KCNJ3: variants seen among roughly 807,000 people sequenced by gnomAD.
KCNJ3 encodes the protein potassium inwardly rectifying channel subfamily J member 3.
In KCNJ3, 4 loss-of-function variants were observed where a neutral mutation model predicts 39.2. The ratio of observed to expected loss-of-function variants is 0.10; its 90% CI spans 0.05 to 0.23. The LOEUF is 0.23. KCNJ3 is among the 10% of genes least tolerant of loss of function. KCNJ3 has a pLI of 1.00. For synonymous variants in KCNJ3, 230 were observed against 237.4 expected (o/e 0.97, Z 0.29); for missense variants, 276 against 634.9 (o/e 0.43, Z 6.08).
intron 2 of KCNJ3, among the ~76,000 whole-genome samples, chr2:154,821,718 C>T (rs562567506): frequency 2.3e-4 from 34 of 145,428 alleles, no homozygotes; most frequent in African/African-American, 8.1e-4. Flanking sequence ...CTCCGCTCAC[C>T]GCAACTTTGC....
At position 154,836,956 on chromosome 2, in the gene KCNJ3, A is replaced by T. The variant is rs545737960; in HGVS notation, c.920-17771A>T. 1.8e-4 allele frequency among the ~76,000 whole-genome samples: 28 copies of T among 152,354 alleles called. 1 individual carries two copies. Among genetic ancestry groups the T allele is most frequent in the Admixed American group, 1.8e-3 (28 of 15,298 alleles). Reference sequence around the variant, plus strand: ...AAGAGTAAGACTCATGAGTTGGGGTAAAACAATTTTAAAATTGTCAGGTAA... The same window carrying T: ...AAGAGTAAGACTCATGAGTTGGGGTTAAACAATTTTAAAATTGTCAGGTAA... On this transcript the variant is annotated intron_variant, in intron 2 of 2. Coordinates refer to ENST00000295101, the MANE Select transcript of KCNJ3 (RefSeq NM_002239.4).
chr2:154,838,201 A>AGTT (rs1687502582), intron 2 of KCNJ3, among the ~76,000 whole-genome samples: 1 of 152,208 alleles, frequency 6.6e-6, no homozygotes, highest in Admixed American at 6.5e-5. Flanking sequence ...GAATGTGAGG[A>AGTT]GTTATGTCAA....
At chr2:154,834,827 C>A (rs1001998113) in intron 2 of KCNJ3, among the ~76,000 whole-genome samples, 1 of 151,798 alleles carries the variant, frequency 6.6e-6, no homozygotes, top group African/African-American at 2.4e-5. Flanking sequence ...TTAAATGATG[C>A]CATTTTTATG....
At chr2:154,702,924 G>A (rs1179248511) in intron 1 of KCNJ3, among the ~76,000 whole-genome samples, 2 of 151,774 alleles carry the variant, frequency 1.3e-5, no homozygotes, top group Non-Finnish European at 2.9e-5. Flanking sequence ...CTAGTATCAT[G>A]GCTATGCTAA....
At chr2:154,827,764 T>C (rs1687294652) in intron 2 of KCNJ3, among the ~76,000 whole-genome samples, 1 of 152,218 alleles carries the variant, frequency 6.6e-6, no homozygotes, top group South Asian at 2.1e-4. Context: ...TTTACTATGT[T>C]AGCCATATTC....
At chr2:154,788,920 A>T (rs1465829121) in intron 2 of KCNJ3, among the ~76,000 whole-genome samples, 1 of 152,094 alleles carries the variant, frequency 6.6e-6, no homozygotes, top group Non-Finnish European at 1.5e-5. Context: ...CCTCAGTGTG[A>T]CTATGGCAGT....
intron 2 of KCNJ3, among the ~76,000 whole-genome samples, chr2:154,834,750 A>AAAAAT (rs141708065): frequency 0.2 from 31,022 of 151,572 alleles, 3,422 homozygotes; most frequent in East Asian, 0.4. Flanking sequence ...AAATAAAATA[A>AAAAAT]AAAATAGAAT....
intron 2 of KCNJ3, among the ~76,000 whole-genome samples, chr2:154,847,205 G>C (rs1687676855): frequency 2.0e-5 from 3 of 152,036 alleles, no homozygotes. Context: ...GAACTGTAAT[G>C]TATGCAGTGT....
At chr2:154,757,450 G>T (rs373707124) in intron 2 of KCNJ3, among the ~76,000 whole-genome samples, 1 of 151,944 alleles carries the variant, frequency 6.6e-6, no homozygotes, top group Admixed American at 6.6e-5. Context: ...AATTAATTCT[G>T]TGCCCTTTTC....
At chr2:154,806,049 G>T (rs1686906274) in intron 2 of KCNJ3, among the ~76,000 whole-genome samples, 1 of 152,110 alleles carries the variant, frequency 6.6e-6, no homozygotes, top group South Asian at 2.1e-4. Context: ...TATTCCATTT[G>T]TTTTTTGAAA....
At chr2:154,787,411 A>G (rs1353596846) in intron 2 of KCNJ3, among the ~76,000 whole-genome samples, 2 of 152,066 alleles carry the variant, frequency 1.3e-5, no homozygotes, top group Non-Finnish European at 2.9e-5. Flanking sequence ...GCTCTCAGTC[A>G]GGGATTGACT....
intron 2 of KCNJ3, among the ~76,000 whole-genome samples, chr2:154,817,505 G>T (rs959659452): frequency 6.6e-6 from 1 of 152,112 alleles, no homozygotes; most frequent in Non-Finnish European, 1.5e-5. Context: ...TGAAATTAAA[G>T]TCTCTCTAAT....
At chr2:154,815,691 T>A (rs1687073158) in intron 2 of KCNJ3, among the ~76,000 whole-genome samples, 1 of 152,254 alleles carries the variant, frequency 6.6e-6, no homozygotes, top group East Asian at 1.9e-4. Context: ...TGTTAATCTA[T>A]GAGGCCTGCA....
intron 2 of KCNJ3, among the ~76,000 whole-genome samples, chr2:154,736,834 G>T (rs1304053730): frequency 6.6e-6 from 1 of 151,460 alleles, no homozygotes; most frequent in Non-Finnish European, 1.5e-5. Context: ...AACAAATGAG[G>T]TAAGACCTAA....
chr2:154,706,055 C>G (rs1247854507), intron 1 of KCNJ3, among the ~76,000 whole-genome samples: 1 of 152,004 alleles, frequency 6.6e-6, no homozygotes, highest in Non-Finnish European at 1.5e-5. Flanking sequence ...TCTTGTGATT[C>G]TAAATAATTT....
intron 2 of KCNJ3, among the ~76,000 whole-genome samples, chr2:154,794,408 A>G (rs775839557): frequency 4.6e-5 from 7 of 152,014 alleles, no homozygotes; most frequent in Non-Finnish European, 7.4e-5. Flanking sequence ...CCTTGCCAAC[A>G]GTGTTATTTC....
intron 2 of KCNJ3, among the ~76,000 whole-genome samples, chr2:154,830,857 G>A (rs919792695): frequency 1.3e-5 from 2 of 152,108 alleles, no homozygotes; most frequent in Admixed American, 1.3e-4. Flanking sequence ...GAAAGGACAT[G>A]ATTTAATTTA....
intron 1 of KCNJ3, among the ~76,000 whole-genome samples, chr2:154,703,072 A>G (rs574063961): frequency 9.2e-5 from 14 of 152,120 alleles, no homozygotes; most frequent in African/African-American, 3.1e-4. Flanking sequence ...CTTTCTACCA[A>G]CCTAATAATA....
intron 2 of KCNJ3, among the ~76,000 whole-genome samples, chr2:154,827,500 T>C (rs1024908333): frequency 3.9e-5 from 6 of 152,104 alleles, no homozygotes; most frequent in Admixed American, 2.6e-4. Context: ...TCCTGCCTTA[T>C]GTTAATGAGA....
Sources: allele counts gnomAD v4.1 joint callset (sites outside exome capture counted in the v4.1 genomes callset), GRCh38; gene constraint gnomAD v4.1.1; transcripts MANE v1.5; gene names NCBI Gene and HGNC (gene_info 2026-07-23, HGNC 2026-07-21).